The following CNPY1 variants were observed in gnomAD, a reference collection of about 807,000 sequenced individuals.
CNPY1 encodes the protein protein canopy homolog 1.
In CNPY1, 14 loss-of-function variants were observed where a neutral mutation model predicts 14.4. The observed-to-expected ratio is 0.97, with a 90% CI of 0.64 to 1.52. The LOEUF is 1.52. Among genes scored for constraint, CNPY1 ranks in the 40% most tolerant of loss-of-function variants. The pLI is 0.00. For missense variants in CNPY1, 129 were observed against 131.5 expected, an observed-to-expected ratio of 0.98 and a Z score of 0.09; for synonymous variants, 43 against 46.5, an observed-to-expected ratio of 0.92 and a Z score of 0.31.
chr7:155,531,815 G>C (rs1166888145), intron 2 of CNPY1, among the ~76,000 whole-genome samples: 2 of 152,186 alleles, frequency 1.3e-5, no homozygotes, highest in African/African-American at 2.4e-5. Context: ...GCTCCAGGGC[G>C]GTGCCTCAGA....
intron 1 of CNPY1, 111 bp from the exon 2 acceptor site, chr7:155,546,054 G>A (rs1392207286): frequency 4.3e-5 from 17 of 397,954 alleles, no homozygotes; most frequent in Non-Finnish European, 6.6e-5. Context: ...CAGTGCCGAC[G>A]TGCCCAGGAC....
intron 2 of CNPY1, among the ~76,000 whole-genome samples, chr7:155,524,196 T>C (rs185835257): frequency 6.6e-6 from 1 of 152,352 alleles, no homozygotes; most frequent in South Asian, 2.1e-4. Context: ...TGGAGTCCAA[T>C]GGCCCCCGCT....
chr7:155,531,971 G>A (rs753219293), intron 2 of CNPY1, among the ~76,000 whole-genome samples: 11 of 152,208 alleles, frequency 7.2e-5, no homozygotes, highest in East Asian at 1.9e-4. Flanking sequence ...CTCCCCCTGC[G>A]TGGATCAGGT....
At chr7:155,539,728 G>C (rs1797063173) in intron 2 of CNPY1, among the ~76,000 whole-genome samples, 1 of 152,186 alleles carries the variant, frequency 6.6e-6, no homozygotes. Flanking sequence ...GTTAGCATGG[G>C]AGCCATATGA....
intron 2 of CNPY1, among the ~76,000 whole-genome samples, chr7:155,520,095 T>A (rs534776685): frequency 6.6e-6 from 1 of 152,346 alleles, no homozygotes; most frequent in African/African-American, 2.4e-5. Flanking sequence ...TACATTCCCG[T>A]ATGCTCATAT....
At chr7:155,524,311 G>T (rs950229598) in intron 2 of CNPY1, among the ~76,000 whole-genome samples, 4 of 152,236 alleles carry the variant, frequency 2.6e-5, no homozygotes, top group Admixed American at 1.3e-4. Context: ...GACAAAAGAA[G>T]AACTTTCCTG....
chr7:155,519,585 G>T (rs980418521), intron 2 of CNPY1, among the ~76,000 whole-genome samples: 20 of 150,392 alleles, frequency 1.3e-4, no homozygotes, highest in South Asian at 2.1e-4. Context: ...AGAAAAATGG[G>T]TGCAAAGTAT....
chr7:155,503,715 C>A (rs1424617), intron 4 of CNPY1, among the ~76,000 whole-genome samples: 16,401 of 152,178 alleles, frequency 0.11, 1,530 homozygotes, highest in African/African-American at 0.25. Context: ...TACTTGATCT[C>A]ATCTTCATAC....
chr7:155,542,046 G>C (rs1056223084), intron 2 of CNPY1, among the ~76,000 whole-genome samples: 1 of 152,100 alleles, frequency 6.6e-6, no homozygotes, highest in Admixed American at 6.5e-5. Flanking sequence ...GGCAGGGTCG[G>C]GGGGGCAGAA....
At chr7:155,529,944 A>C (rs545944051) in intron 2 of CNPY1, among the ~76,000 whole-genome samples, 2 of 151,882 alleles carry the variant, frequency 1.3e-5, no homozygotes, top group Non-Finnish European at 2.9e-5. Context: ...CACCACGCCC[A>C]GCTAATTTAT....
At position 155,502,934 on chromosome 7, in the gene CNPY1, TA is replaced by T; in HGVS notation, c.*133del. 1 of 728,132 alleles carries T rather than the reference TA, an allele frequency of 1.4e-6. No individual in the cohort carries two copies. The highest frequency in any genetic ancestry group is 2.2e-6 in the Non-Finnish European group (1 of 446,940). 45.1% of individuals were successfully genotyped at this position (728,132 alleles called of 1,614,324 possible). On this transcript the variant is annotated 3_prime_UTR_variant, in exon 5 of 5. Transcript: ENST00000636446. ...ACCAACAGATTTTCAAAATGAATCATAAACGGAGACAAACACGGTATAAACA... is the reference window on the plus strand; with the variant it reads ...ACCAACAGATTTTCAAAATGAATCATAACGGAGACAAACACGGTATAAACA...
At chr7:155,530,513 T>C (rs1796919800) in intron 2 of CNPY1, among the ~76,000 whole-genome samples, 1 of 152,062 alleles carries the variant, frequency 6.6e-6, no homozygotes. Flanking sequence ...ACAAAGTTTT[T>C]TACAAATGGG....
In CNPY1 at chr7:155,545,831, C is replaced by A; in HGVS notation, c.99G>T (p.Lys33Asn). ...TGGCACATAATATCTTTTCCACTAC[C>A]TTTCTCCTCTCCTGAGTCCCATCGG... The part of the protein sequence containing the change: ...INPDGTQERR[K>N]IPLAQSEAFL... The change falls in exon 2 of 5, where the codon AAG (lysine) becomes AAT (asparagine). Residue 33 changes from lysine (K) to asparagine (N), a missense_variant and splice_region_variant. By Grantham distance (94) the Lys-to-Asn change is moderately conservative. Transcript: ENST00000636446. The A allele has an allele frequency of 2.5e-6, 1 of 398,638 alleles. No individual in the cohort carries two copies. The highest frequency in any genetic ancestry group is 4.4e-6 in the Non-Finnish European group (1 of 226,052). The allele number at this position is 398,638 out of a possible 1,614,324, so 24.7% of individuals were successfully genotyped here. A position where few individuals can be genotyped will look rare whatever the true frequency, so the allele number is the denominator to read the frequency against.
chr7:155,545,276 G>T (rs954150829), intron 2 of CNPY1, among the ~76,000 whole-genome samples: 1 of 152,136 alleles, frequency 6.6e-6, no homozygotes, highest in African/African-American at 2.4e-5. Flanking sequence ...TCCCCTAATG[G>T]GTCCCGCCTG....
chr7:155,502,751 C>A lies in CNPY1; in HGVS notation c.*317G>T, dbSNP rs755787590. 6.4e-5 allele frequency: 22 copies of A among 345,798 alleles called. No individual in the cohort carries two copies. Among genetic ancestry groups the A allele is most frequent in the Non-Finnish European group, 1.2e-4 (22 of 189,656 alleles). The allele number at this position is 345,798 out of a possible 1,614,324, so 21.4% of individuals were successfully genotyped here. Reference sequence around the variant, plus strand: ...AAATAAGCAGCATACATTATGAAATCCCTATTTTGTTTATGAAATGTCTTC... The same window carrying A: ...AAATAAGCAGCATACATTATGAAATACCTATTTTGTTTATGAAATGTCTTC... On this transcript the variant is annotated 3_prime_UTR_variant, in exon 5 of 5. Coordinates refer to ENST00000636446, the MANE Select transcript of CNPY1 (RefSeq NM_001393663.1).
At chr7:155,517,195 T>C (rs1357911830) in intron 2 of CNPY1, among the ~76,000 whole-genome samples, 2 of 152,134 alleles carry the variant, frequency 1.3e-5, no homozygotes, top group Middle Eastern at 6.8e-3. Flanking sequence ...ATCGGGTCAT[T>C]GAGGTGGCCC....
At chr7:155,509,571 T>C (rs934143582) in intron 2 of CNPY1, among the ~76,000 whole-genome samples, 1 of 151,870 alleles carries the variant, frequency 6.6e-6, no homozygotes, top group African/African-American at 2.4e-5. Context: ...CGCGCTCAGC[T>C]GGCTTCAGAT....
intron 2 of CNPY1, among the ~76,000 whole-genome samples, chr7:155,510,737 TTTAA>T (rs745508020): frequency 1.8e-4 from 28 of 152,376 alleles, no homozygotes; most frequent in Admixed American, 5.2e-4. Flanking sequence ...CTACTTACGC[TTTAA>T]TTATGCCGTT....
chr7:155,533,510 G>T (rs1355583966), intron 2 of CNPY1, among the ~76,000 whole-genome samples: 3 of 152,192 alleles, frequency 2.0e-5, no homozygotes, highest in Admixed American at 2.0e-4. Context: ...GCTCCGGCCC[G>T]CGCAGAGCGG....
Sources: allele counts gnomAD v4.1 joint callset (sites outside exome capture counted in the v4.1 genomes callset), GRCh38; gene constraint gnomAD v4.1.1; transcripts MANE v1.5; gene names NCBI Gene and HGNC (gene_info 2026-07-23, HGNC 2026-07-21).